Variants in MOB1A observed in about 807,000 individuals in gnomAD.
The protein encoded by MOB1A is MOB1 Mps One Binder homolog A.
MOB1A carries 10 observed loss-of-function variants against 25.1 expected under a neutral mutation model. That is an observed-to-expected ratio of 0.40 (90% CI 0.25 to 0.68). MOB1A has a LOEUF of 0.68. MOB1A is among the 30% of genes least tolerant of loss of function. MOB1A has a pLI of 0.40. For synonymous variants in MOB1A, 81 were observed against 79.5 expected, an observed-to-expected ratio of 1.02 and a Z score of -0.10; for missense variants, 177 against 256.3, an observed-to-expected ratio of 0.69 and a Z score of 2.11.
intron 1 of MOB1A, among the ~76,000 whole-genome samples, chr2:74,173,688 C>T (rs1475257433): frequency 1.1e-4 from 16 of 151,130 alleles, no homozygotes; most frequent in South Asian, 2.1e-4. Context: ...CGGTGGCTCA[C>T]GCCTGTAATC....
chr2:74,157,618 G>C (rs79016878), intron 5 of MOB1A, among the ~76,000 whole-genome samples: 1 of 152,136 alleles, frequency 6.6e-6, no homozygotes, highest in African/African-American at 2.4e-5. Flanking sequence ...CCTCCAGATA[G>C]ACATTATCAA....
In MOB1A at chr2:74,172,612, T is replaced by C. The variant is rs1277019900; in HGVS notation, c.155A>G (p.Asp52Gly). 6.2e-7 allele frequency: 1 copy of C among 1,613,666 alleles called. No homozygotes were observed. The highest frequency in any genetic ancestry group is 1.7e-5 in the Admixed American group (1 of 59,948). ...RQAVMLPEGE[D>G]LNEWIAVNTV... ...GTTCACAGCAATCCATTCATTGAGATCCTCTCCCTCAGGCAACATAACAGC... is the reference window on the plus strand; with the variant it reads ...GTTCACAGCAATCCATTCATTGAGACCCTCTCCCTCAGGCAACATAACAGC... The change falls in exon 2 of 6, where the codon GAT (aspartate) becomes GGT (glycine). Residue 52 changes from aspartate (D) to glycine (G), a missense_variant. Coordinates refer to ENST00000396049, the MANE Select transcript of MOB1A (RefSeq NM_018221.5).
intron 1 of MOB1A, 26 bp from the exon 2 acceptor site, chr2:74,172,778 T>C (rs1356246254): frequency 6.2e-7 from 1 of 1,601,044 alleles, no homozygotes; most frequent in South Asian, 1.1e-5. Flanking sequence ...TGCAAGTATA[T>C]GAATTTTTAA....
At chr2:74,172,130 C>CAT (rs1021816510) in intron 2 of MOB1A, among the ~76,000 whole-genome samples, 29 of 152,294 alleles carry the variant, frequency 1.9e-4, no homozygotes, top group African/African-American at 6.5e-4. Flanking sequence ...CCTCCATTTT[C>CAT]TCCCAATCTC....
At chr2:74,177,205 C>T (rs1028571812) in intron 1 of MOB1A, among the ~76,000 whole-genome samples, 3 of 151,400 alleles carry the variant, frequency 2.0e-5, no homozygotes, top group Admixed American at 6.6e-5. Context: ...CCCAGCTACT[C>T]GGGAGTGTGA....
intron 1 of MOB1A, among the ~76,000 whole-genome samples, chr2:74,172,996 C>G (rs972124282): frequency 6.6e-6 from 1 of 152,122 alleles, no homozygotes; most frequent in Non-Finnish European, 1.5e-5. Context: ...ATTAGCCAAG[C>G]ATGATGGCGC....
Position 74,178,707 on chromosome 2 carries a change from TGGCCCC to T in MOB1A, c.-39_-34del. On this transcript the variant is annotated 5_prime_UTR_variant, in exon 1 of 6. Transcript: ENST00000396049. ...CCTCAGAGGGGAGGCGAGGGGCCCC[TGGCCCC>T]CGCCTGGATCAGGATTCGGAGCTGG... 9.0e-7 allele frequency: 1 copy of T among 1,113,570 alleles called. No individual in the cohort carries two copies. Among genetic ancestry groups the T allele is most frequent in the Non-Finnish European group, 1.1e-6 (1 of 890,484 alleles). 69.0% of individuals were successfully genotyped at this position (1,113,570 alleles called of 1,614,324 possible).
chr2:74,171,360 G>A (rs565154949), intron 2 of MOB1A, among the ~76,000 whole-genome samples: 46 of 152,128 alleles, frequency 3.0e-4, no homozygotes, highest in Non-Finnish European at 5.6e-4. Context: ...TGTGAACACT[G>A]ACCAGATATT....
At chr2:74,175,680 T>C (rs548615016) in intron 1 of MOB1A, among the ~76,000 whole-genome samples, 113 of 152,220 alleles carry the variant, frequency 7.4e-4, no homozygotes, top group Middle Eastern at 3.4e-3. Context: ...CAGTAGAGGA[T>C]TGAATTAAAG....
chr2:74,156,000 GTATCT>G lies in MOB1A; in HGVS notation c.*563_*567del, dbSNP rs1363884964. 1 of 152,472 alleles carries G rather than the reference GTATCT, an allele frequency of 6.6e-6. No homozygotes were observed. The highest frequency in any genetic ancestry group is 2.4e-5 in the African/African-American group (1 of 41,426). 9.4% of individuals were successfully genotyped at this position (152,472 alleles called of 1,614,324 possible). A position where few individuals can be genotyped will look rare whatever the true frequency, so the allele number is the denominator to read the frequency against. ...AATCATGAATTTTGAAAAAATAGAC[GTATCT>G]TATCTATAAAAACACTACCATACAA... On this transcript the variant is annotated 3_prime_UTR_variant, in exon 6 of 6. Coordinates refer to ENST00000396049, the MANE Select transcript of MOB1A (RefSeq NM_018221.5).
Position 74,155,204 on chromosome 2 carries a change from T to C in MOB1A, c.*1364A>G, listed in dbSNP as rs1692769674. The C allele has an allele frequency of 6.6e-6, 1 of 152,572 alleles. No individual in the cohort carries two copies. The highest frequency in any genetic ancestry group is 1.9e-4 in the East Asian group (1 of 5,198). The allele number at this position is 152,572 out of a possible 1,614,324, so 9.5% of individuals were successfully genotyped here. On this transcript the variant is annotated 3_prime_UTR_variant, in exon 6 of 6. Transcript: ENST00000396049. ...TTGTTGTGCCTCAGTACATTTTAAA[T>C]AGACAGCTAGAGTTTACTAAATCCT...
chr2:74,163,993 C>G (rs569834183), intron 4 of MOB1A: 2 of 151,810 alleles, frequency 1.3e-5, no homozygotes, highest in Admixed American at 6.6e-5. Context: ...AAAAGAAGAG[C>G]GAGGAAGGGA....
At chr2:74,178,032 C>T (rs76072932) in intron 1 of MOB1A, 3 of 117,794 alleles carry the variant, frequency 2.5e-5, no homozygotes, top group African/African-American at 1.1e-4. Flanking sequence ...TTTTAACTTT[C>T]CAAATTATTT....
In MOB1A at chr2:74,172,675, T is replaced by C. The variant is rs776279017; in HGVS notation, c.92A>G (p.His31Arg). ...CCCACTTCCTAGAGTTGCTTCTGCA[T>C]GTTTTAAGAGTTCATACTGATGAGA... ...EGSHQYELLK[H>R]AEATLGSGNL... The change falls in exon 2 of 6, where the codon CAT becomes CGT. Residue 31 changes from histidine (H) to arginine (R), a missense_variant. Coordinates refer to ENST00000396049, the MANE Select transcript of MOB1A (RefSeq NM_018221.5). 63 of 1,613,868 alleles carry C rather than the reference T, an allele frequency of 3.9e-5. No homozygotes were observed. The highest frequency in any genetic ancestry group is 4.2e-6 in the Non-Finnish European group (5 of 1,179,890).
intron 5 of MOB1A, 36 bp downstream of exon 5, chr2:74,159,055 G>C (rs754132918): frequency 3.7e-6 from 6 of 1,607,056 alleles, no homozygotes; most frequent in African/African-American, 1.3e-5. Context: ...ATAAGTCCAA[G>C]TCACAGGACA....
chr2:74,175,938 A>G (rs1693441038), intron 1 of MOB1A, among the ~76,000 whole-genome samples: 2 of 152,076 alleles, frequency 1.3e-5, no homozygotes, highest in Non-Finnish European at 2.9e-5. Flanking sequence ...TGGAATTTAA[A>G]TAAGACTGAT....
chr2:74,165,397 CA>C, intron 3 of MOB1A, 46 bp from the exon 4 acceptor site: 1 of 1,244,358 alleles, frequency 8.0e-7, no homozygotes. Flanking sequence ...AAAATATTAA[CA>C]AATGTGCAAG....
chr2:74,170,859 C>T (rs563739036), intron 2 of MOB1A, among the ~76,000 whole-genome samples: 11 of 151,994 alleles, frequency 7.2e-5, no homozygotes, highest in African/African-American at 2.7e-4. Flanking sequence ...CACTGCACTC[C>T]AGCCTGGGCA....
intron 1 of MOB1A, among the ~76,000 whole-genome samples, chr2:74,173,531 C>T (rs1278065614): frequency 6.6e-6 from 1 of 151,610 alleles, no homozygotes; most frequent in Admixed American, 6.6e-5. Flanking sequence ...TAGGCATGCA[C>T]CACCACACCC....
Sources: gnomAD v4.1 joint callset for allele counts (sites outside exome capture counted in the v4.1 genomes callset) on GRCh38, gnomAD v4.1.1 for gene constraint, MANE v1.5 for transcripts, NCBI Gene and HGNC (gene_info 2026-07-23, HGNC 2026-07-21) for gene names.